The following IL31RA variants were observed in gnomAD, a reference collection of about 807,000 sequenced individuals.
IL31RA encodes the protein interleukin 31 receptor A.
In IL31RA, 66 loss-of-function variants were observed where a neutral mutation model predicts 83.7. The ratio of observed to expected loss-of-function variants is 0.79; its 90% CI spans 0.65 to 0.97. The LOEUF (loss-of-function observed/expected upper bound fraction) is 0.97, where lower values mean the gene tolerates loss of function less well. Ranked by LOEUF, IL31RA falls within the 50% of genes least tolerant of loss-of-function variation. The pLI is 0.00. For missense variants in IL31RA, 798 were observed against 919.4 expected (o/e 0.87, Z 1.71); for synonymous variants, 325 against 329.0 (o/e 0.99, Z 0.13).
intron 5 of IL31RA, 56 bp downstream of exon 5, chr5:55,883,251 T>C (rs891244081): frequency 5.8e-5 from 80 of 1,383,950 alleles, no homozygotes; most frequent in Non-Finnish European, 7.9e-5. Flanking sequence ...AAAAGAATCA[T>C]TGACAACTAT....
chr5:55,882,953 C>A, intron 4 of IL31RA, 91 bp from the exon 5 acceptor site: 3 of 1,173,884 alleles, frequency 2.6e-6, no homozygotes, highest in Non-Finnish European at 2.5e-6. Context: ...GACCACAATG[C>A]ACGTATCATT....
chr5:55,910,795 C>A, intron 12 of IL31RA, 123 bp downstream of exon 12: 1 of 1,087,366 alleles, frequency 9.2e-7, no homozygotes. Context: ...GCCCTGCCAT[C>A]CTGCTCTCTG....
At chr5:55,848,917 G>A (rs1744993474), upstream of IL31RA, among the ~76,000 whole-genome samples, 1 of 152,106 alleles carries the variant, frequency 6.6e-6, no homozygotes, top group South Asian at 2.1e-4. Context: ...GTAAACAAAA[G>A]ACCTCTCATC....
At chr5:55,893,530 T>G (rs1003524651) in intron 6 of IL31RA, among the ~76,000 whole-genome samples, 1 of 152,202 alleles carries the variant, frequency 6.6e-6, no homozygotes. Flanking sequence ...ATTTTAATTT[T>G]TTTTTCAGAG....
chr5:55,893,687 G>A (rs910242433), intron 6 of IL31RA, among the ~76,000 whole-genome samples: 2 of 152,090 alleles, frequency 1.3e-5, no homozygotes, highest in African/African-American at 4.8e-5. Flanking sequence ...TCTATACTGA[G>A]AAGACTGTCT....
In IL31RA at chr5:55,883,134, C is replaced by G; in HGVS notation, c.545C>G (p.Ala182Gly). The part of the protein sequence containing the change: ...IQIEWIKPEL[A>G]PVSSDLKYTL... ...ATTGAATGGATAAAGCCTGAGTTGG[C>G]GCCTGTTTCATCTGATTTAAAATAC... Residue 182 changes from alanine (A) to glycine (G), a missense_variant, in exon 5 of 15, where the codon GCG (alanine) becomes GGG (glycine). Ala to Gly is a moderately conservative substitution (Grantham distance 60, BLOSUM62 0). Coordinates refer to ENST00000652347, the MANE Select transcript of IL31RA (RefSeq NM_139017.7). The G allele has an allele frequency of 6.2e-7, 1 of 1,613,912 alleles. No homozygotes were observed.
At chr5:55,852,715 A>G (rs1368878489) in intron 1 of IL31RA, among the ~76,000 whole-genome samples, 1 of 152,126 alleles carries the variant, frequency 6.6e-6, no homozygotes, top group Non-Finnish European at 1.5e-5. Context: ...ACGGTTGCAA[A>G]ATTGTGGTAC....
chr5:55,867,543 T>C (rs546683251), intron 2 of IL31RA, among the ~76,000 whole-genome samples: 12 of 152,252 alleles, frequency 7.9e-5, no homozygotes, highest in African/African-American at 1.4e-4. Flanking sequence ...TATTAACACA[T>C]TAAATAAGAA....
At chr5:55,885,433 C>T (rs1316605537) in intron 5 of IL31RA, among the ~76,000 whole-genome samples, 1 of 152,164 alleles carries the variant, frequency 6.6e-6, no homozygotes, top group Non-Finnish European at 1.5e-5. Context: ...GAGATGGGCT[C>T]CTGCTAACAG....
chr5:55,867,701 A>G (rs1746273005), intron 2 of IL31RA, among the ~76,000 whole-genome samples: 1 of 152,208 alleles, frequency 6.6e-6, no homozygotes, highest in South Asian at 2.1e-4. Context: ...AGGTTTAATT[A>G]GACTTACAGT....
chr5:55,901,170 G>T (rs536033289), intron 8 of IL31RA, among the ~76,000 whole-genome samples: 1 of 152,216 alleles, frequency 6.6e-6, no homozygotes, highest in East Asian at 1.9e-4. Context: ...TATTATTTTA[G>T]TTAGCATTTA....
intron 3 of IL31RA, among the ~76,000 whole-genome samples, chr5:55,871,760 C>T (rs1002813161): frequency 2.7e-5 from 4 of 150,134 alleles, no homozygotes; most frequent in Non-Finnish European, 5.9e-5. Context: ...TGATATGCAT[C>T]CTACTTTTTT....
chr5:55,868,313 A>C (rs1746311806), intron 2 of IL31RA, among the ~76,000 whole-genome samples: 1 of 152,192 alleles, frequency 6.6e-6, no homozygotes, highest in Non-Finnish European at 1.5e-5. Context: ...TAAGATATGA[A>C]GATACAGTTG....
intron 4 of IL31RA, among the ~76,000 whole-genome samples, chr5:55,877,262 C>T (rs1746914044): frequency 6.6e-6 from 1 of 152,150 alleles, no homozygotes; most frequent in African/African-American, 2.4e-5. Flanking sequence ...TTCCCCATCC[C>T]CATTTTATGT....
chr5:55,895,386 T>G (rs1748270574), intron 6 of IL31RA, among the ~76,000 whole-genome samples: 1 of 152,204 alleles, frequency 6.6e-6, no homozygotes, highest in African/African-American at 2.4e-5. Context: ...GTGAGCCATC[T>G]CCTGACAAAA....
Position 55,899,820 on chromosome 5 carries a change from C to T in IL31RA, c.853-96C>T, listed in dbSNP as rs1237768332. The T allele has an allele frequency of 1.4e-5, 11 of 805,020 alleles. No homozygotes were observed. In the Admixed American group the frequency reaches 2.0e-4, roughly 14 times the overall value. The allele number at this position is 805,020 out of a possible 1,614,324, so 49.9% of individuals were successfully genotyped here. A position where few individuals can be genotyped will look rare whatever the true frequency, so the allele number is the denominator to read the frequency against. On this transcript the variant is annotated intron_variant, in intron 7 of 14. Transcript: ENST00000652347. ...TTGTAGTTTAGTATCTAATAGTTAG[C>T]CTTATTCCCCACCCTCACCCCCACC...
intron 8 of IL31RA, among the ~76,000 whole-genome samples, chr5:55,904,501 G>A (rs1211643768): frequency 2.0e-5 from 3 of 152,202 alleles, no homozygotes; most frequent in African/African-American, 7.2e-5. Flanking sequence ...GGGTTAGGTG[G>A]GGTCAATCTC....
intron 3 of IL31RA, among the ~76,000 whole-genome samples, chr5:55,871,788 A>G (rs1746521051): frequency 7.0e-6 from 1 of 143,848 alleles, no homozygotes; most frequent in Non-Finnish European, 1.5e-5. Flanking sequence ...CAGTAGATGC[A>G]TCTTTCCATA....
At chr5:55,897,683 A>AT (rs1748500025) in intron 7 of IL31RA, among the ~76,000 whole-genome samples, 1 of 152,150 alleles carries the variant, frequency 6.6e-6, no homozygotes, top group Non-Finnish European at 1.5e-5. Flanking sequence ...AAGAAGAGGG[A>AT]AGAGGACCTG....
Sources: allele counts gnomAD v4.1 joint callset (sites outside exome capture counted in the v4.1 genomes callset), GRCh38; gene constraint gnomAD v4.1.1; transcripts MANE v1.5; gene names NCBI Gene and HGNC (gene_info 2026-07-23, HGNC 2026-07-21).